Variants in CADM2 observed in about 807,000 individuals in gnomAD.
CADM2 encodes the protein immunoglobulin superfamily member 4D.
In CADM2, 12 loss-of-function variants were observed where a neutral mutation model predicts 49.8. The observed-to-expected ratio is 0.24, with a 90% confidence interval of 0.15 to 0.39. CADM2 has a LOEUF of 0.39. CADM2 is among the 10% of genes least tolerant of loss of function. CADM2 has a pLI of 1.00. For synonymous variants in CADM2, 214 were observed against 175.4 expected (o/e 1.22, Z -1.74); for missense variants, 378 against 492.3 (o/e 0.77, Z 2.20).
intron 8 of CADM2, among the ~76,000 whole-genome samples, chr3:86,032,477 C>T (rs1168960534): frequency 6.6e-6 from 1 of 151,602 alleles, no homozygotes; most frequent in East Asian, 1.9e-4. Context: ...AAAAGAAAAC[C>T]TTTTAATGCA....
chr3:85,945,634 C>A (rs1722580023), intron 7 of CADM2, among the ~76,000 whole-genome samples: 1 of 152,172 alleles, frequency 6.6e-6, no homozygotes, highest in Non-Finnish European at 1.5e-5. Flanking sequence ...ATATGAAAAT[C>A]AGTAAATGTA....
At chr3:85,617,202 G>A (rs2063823867) in intron 1 of CADM2, among the ~76,000 whole-genome samples, 2 of 152,052 alleles carry the variant, frequency 1.3e-5, no homozygotes, top group South Asian at 2.1e-4. Context: ...CCTTCCGACA[G>A]CACTCACAAG....
At chr3:85,262,220 A>G (rs879586860) in intron 1 of CADM2, among the ~76,000 whole-genome samples, 6 of 152,162 alleles carry the variant, frequency 3.9e-5, no homozygotes, top group Non-Finnish European at 5.9e-5. Flanking sequence ...CTCCTGACTT[A>G]AATGATACAT....
intron 1 of CADM2, among the ~76,000 whole-genome samples, chr3:85,335,168 A>G (rs1486416513): frequency 6.6e-6 from 1 of 151,628 alleles, no homozygotes; most frequent in Admixed American, 6.6e-5. Context: ...TTATTTTGAT[A>G]CATTCATTTT....
intron 8 of CADM2, among the ~76,000 whole-genome samples, chr3:86,048,966 T>A (rs1429925170): frequency 6.6e-6 from 1 of 152,228 alleles, no homozygotes; most frequent in Non-Finnish European, 1.5e-5. Context: ...CTCGTTTTTA[T>A]GGCAAGTCTT....
intron 2 of CADM2, among the ~76,000 whole-genome samples, chr3:85,787,583 C>T (rs1442966892): frequency 2.0e-5 from 3 of 152,034 alleles, no homozygotes; most frequent in Admixed American, 1.3e-4. Context: ...GTTGGCCTTC[C>T]ATATATGTGG....
intron 8 of CADM2, among the ~76,000 whole-genome samples, chr3:86,043,459 A>G (rs532625754): frequency 3.7e-4 from 57 of 152,286 alleles, no homozygotes; most frequent in Non-Finnish European, 6.3e-4. Flanking sequence ...TCATGAGTGA[A>G]CTCCCATTCA....
At chr3:84,992,871 T>C (rs1228809055) in intron 1 of CADM2, among the ~76,000 whole-genome samples, 4 of 152,040 alleles carry the variant, frequency 2.6e-5, no homozygotes, top group African/African-American at 9.7e-5. Context: ...ATATGAGAAT[T>C]TGTGCAAGAG....
intron 1 of CADM2, among the ~76,000 whole-genome samples, chr3:85,564,030 C>G (rs1001530333): frequency 6.6e-6 from 1 of 152,060 alleles, no homozygotes; most frequent in African/African-American, 2.4e-5. Context: ...GTTTGTTTTG[C>G]CTTTCCAATA....
chr3:85,592,706 TTTA>T (rs71653755), intron 1 of CADM2, among the ~76,000 whole-genome samples: 19 of 151,368 alleles, frequency 1.3e-4, no homozygotes, highest in Middle Eastern at 3.4e-3. Context: ...GTTCTGGATT[TTTA>T]TTATTATTAT....
At chr3:85,111,202 T>A (rs997241099) in intron 1 of CADM2, among the ~76,000 whole-genome samples, 17 of 152,014 alleles carry the variant, frequency 1.1e-4, no homozygotes, top group Middle Eastern at 3.4e-3. Context: ...ATTTATGAGG[T>A]CTTTCTTATA....
rs566791107 is a variant in CADM2 at position 85,051,229 on chromosome 3, T to A, written c.61+91561T>A. 2.6e-5 allele frequency among the ~76,000 whole-genome samples: 4 copies of A among 152,306 alleles called. No homozygotes were observed. The East Asian group carries it at 7.7e-4, about 29-fold the overall frequency. On this transcript the variant is annotated intron_variant, in intron 1 of 9. Transcript: ENST00000383699. ...GAAAAAATTAAGTCCTACCTCATAT[T>A]ATCAGCCCCAAAAGATTTTATCATG...
chr3:85,774,178 A>G (rs1202157815), intron 2 of CADM2, among the ~76,000 whole-genome samples: 2 of 151,892 alleles, frequency 1.3e-5, no homozygotes, highest in East Asian at 3.9e-4. Flanking sequence ...GAATCTAAGA[A>G]CAAATACGGT....
At chr3:85,236,240 C>CAT (rs770473797) in intron 1 of CADM2, among the ~76,000 whole-genome samples, 76 of 151,850 alleles carry the variant, frequency 5.0e-4, no homozygotes, top group Non-Finnish European at 6.2e-4. Flanking sequence ...TTCATATATA[C>CAT]ATATATATAT....
intron 5 of CADM2, among the ~76,000 whole-genome samples, chr3:85,908,817 C>A (rs372493065): frequency 2.6e-5 from 4 of 151,754 alleles, no homozygotes; most frequent in African/African-American, 9.7e-5. Context: ...CTCCACTTCC[C>A]GGGTTCAAGC....
At chr3:85,115,929 C>T (rs1052528067) in intron 1 of CADM2, among the ~76,000 whole-genome samples, 7 of 152,170 alleles carry the variant, frequency 4.6e-5, no homozygotes, top group African/African-American at 1.7e-4. Context: ...TGGGTGGAAG[C>T]ATAAAGGATC....
intron 1 of CADM2, among the ~76,000 whole-genome samples, chr3:85,230,928 G>C (rs779984209): frequency 1.3e-5 from 2 of 151,954 alleles, no homozygotes; most frequent in Non-Finnish European, 2.9e-5. Flanking sequence ...TTACACGACA[G>C]ACATTTATTT....
chr3:84,961,244 T>TATAGA (rs2030479515), intron 1 of CADM2, among the ~76,000 whole-genome samples: 1 of 152,166 alleles, frequency 6.6e-6, no homozygotes, highest in Non-Finnish European at 1.5e-5. Flanking sequence ...TCCTCCGGGA[T>TATAGA]ATAGACTGGG....
At chr3:85,585,468 A>G (rs1260807977) in intron 1 of CADM2, among the ~76,000 whole-genome samples, 2 of 151,870 alleles carry the variant, frequency 1.3e-5, no homozygotes, top group Non-Finnish European at 2.9e-5. Flanking sequence ...TCTTCTATTC[A>G]TGAAATTGTG....
Sources: allele counts gnomAD v4.1 joint callset (sites outside exome capture counted in the v4.1 genomes callset), GRCh38; gene constraint gnomAD v4.1.1; transcripts MANE v1.5; gene names NCBI Gene and HGNC (gene_info 2026-07-23, HGNC 2026-07-21).